CHRM3: variants seen among roughly 807,000 people sequenced by gnomAD.
CHRM3 encodes cholinergic receptor muscarinic 3.
In CHRM3, 11 loss-of-function variants were observed where a neutral mutation model predicts 41.8. The ratio of observed to expected loss-of-function variants is 0.26; its 90% confidence interval spans 0.17 to 0.44. The LOEUF (loss-of-function observed/expected upper bound fraction) is 0.44, where lower values mean the gene tolerates loss of function less well. Among genes scored for constraint, CHRM3 ranks in the 20% least tolerant of loss-of-function variants. The pLI is 1.00. For synonymous variants in CHRM3, 297 were observed against 301.4 expected (o/e 0.99, Z 0.15); for missense variants, 571 against 745.4 (o/e 0.77, Z 2.72).
chr1:239,714,952 T>A (rs1050039858), intron 5 of CHRM3, among the ~76,000 whole-genome samples: 1 of 151,858 alleles, frequency 6.6e-6, no homozygotes, highest in Non-Finnish European at 1.5e-5. Flanking sequence ...AAGAGTACTG[T>A]GGAAAAACTT....
intron 3 of CHRM3, among the ~76,000 whole-genome samples, chr1:239,589,835 T>C (rs1362151485): frequency 6.6e-6 from 1 of 151,526 alleles, no homozygotes; most frequent in Non-Finnish European, 1.5e-5. Context: ...TATATACACA[T>C]ATGTCTGACT....
intron 1 of CHRM3, among the ~76,000 whole-genome samples, chr1:239,424,447 A>T (rs2103120483): frequency 6.6e-6 from 1 of 152,330 alleles, no homozygotes; most frequent in East Asian, 1.9e-4. Flanking sequence ...AACCTTGTGG[A>T]AACTGAAATG....
At chr1:239,414,085 T>C (rs1661316935) in intron 1 of CHRM3, among the ~76,000 whole-genome samples, 1 of 152,182 alleles carries the variant, frequency 6.6e-6, no homozygotes, top group Non-Finnish European at 1.5e-5. Flanking sequence ...TTATGAGCAA[T>C]TTCTGTATTG....
intron 3 of CHRM3, among the ~76,000 whole-genome samples, chr1:239,549,322 T>C (rs1334373595): frequency 6.6e-6 from 1 of 151,880 alleles, no homozygotes; most frequent in Non-Finnish European, 1.5e-5. Flanking sequence ...ATTTGTGATG[T>C]TTACCTTAAC....
chr1:239,401,945 C>T (rs1660014056), intron 1 of CHRM3, among the ~76,000 whole-genome samples: 1 of 152,128 alleles, frequency 6.6e-6, no homozygotes, highest in Non-Finnish European at 1.5e-5. Context: ...ATGTAGACTC[C>T]TGCTAAGTCA....
At chr1:239,398,237 T>C (rs768698855) in intron 1 of CHRM3, among the ~76,000 whole-genome samples, 1 of 152,094 alleles carries the variant, frequency 6.6e-6, no homozygotes, top group Admixed American at 6.6e-5. Flanking sequence ...ATATAAATAA[T>C]GTATTTTTTT....
At chr1:239,801,989 G>A (rs146359189) in intron 5 of CHRM3, among the ~76,000 whole-genome samples, 7 of 152,298 alleles carry the variant, frequency 4.6e-5, no homozygotes, top group African/African-American at 1.2e-4. Context: ...CAGGATTAGC[G>A]ACAGTCCCAG....
intron 2 of CHRM3, among the ~76,000 whole-genome samples, chr1:239,532,594 T>C (rs1415429133): frequency 1.4e-5 from 2 of 146,612 alleles, no homozygotes; most frequent in Admixed American, 1.4e-4. Context: ...CACTGCACTC[T>C]GCCTGGTGAC....
At chr1:239,738,432 C>A (rs1315310906) in intron 5 of CHRM3, among the ~76,000 whole-genome samples, 2 of 152,144 alleles carry the variant, frequency 1.3e-5, no homozygotes, top group Admixed American at 6.5e-5. Context: ...GTGGTTCCAG[C>A]CAGCCAAATG....
At chr1:239,623,663 C>A (rs1263237942) in intron 3 of CHRM3, among the ~76,000 whole-genome samples, 1 of 70,822 alleles carries the variant, frequency 1.4e-5, no homozygotes, top group African/African-American at 5.8e-5. Flanking sequence ...CCGACCCCAC[C>A]ACAGTCCCCA....
chr1:239,529,374 G>A (rs1005869061), intron 2 of CHRM3, among the ~76,000 whole-genome samples: 1 of 152,094 alleles, frequency 6.6e-6, no homozygotes, highest in Admixed American at 6.5e-5. Context: ...ACTTTGGGAG[G>A]CTGAGGCAAG....
At chr1:239,796,842 C>T (rs146869428) in intron 5 of CHRM3, among the ~76,000 whole-genome samples, 1 of 152,056 alleles carries the variant, frequency 6.6e-6, no homozygotes, top group East Asian at 1.9e-4. Context: ...TTCCTCACCC[C>T]CCTCCCACTC....
At chr1:239,593,236 G>A (rs1664388688) in intron 3 of CHRM3, among the ~76,000 whole-genome samples, 1 of 152,112 alleles carries the variant, frequency 6.6e-6, no homozygotes, top group Admixed American at 6.5e-5. Context: ...AATATACCAT[G>A]ATTGACCTTA....
chr1:239,617,225 C>G (rs1396310153), intron 3 of CHRM3, among the ~76,000 whole-genome samples: 1 of 152,128 alleles, frequency 6.6e-6, no homozygotes, highest in Non-Finnish European at 1.5e-5. Flanking sequence ...AGTATTTAAC[C>G]CAGAACTTTC....
intron 4 of CHRM3, among the ~76,000 whole-genome samples, chr1:239,669,551 G>T (rs530516600): frequency 6.6e-6 from 1 of 152,070 alleles, no homozygotes; most frequent in African/African-American, 2.4e-5. Flanking sequence ...AATTTTTCAG[G>T]TCTTGACCTA....
rs146925766 is a variant in CHRM3 at position 239,430,812 on chromosome 1, G to T, written c.-521+43585G>T. Among the ~76,000 whole-genome samples, 1,211 of 151,190 alleles carry T rather than the reference G, an allele frequency of 8.0e-3. 13 individuals are homozygous for T. The highest frequency in any genetic ancestry group is 0.028 in the African/African-American group (1,160 of 41,200). On this transcript the variant is annotated intron_variant, in intron 1 of 6. Transcript: ENST00000676153. ...TTTTTTGGCATTTCTTTTTGCTTTG[G>T]AATGTTGCCTGGTACATTGATTTTT...
chr1:239,895,346 C>A (rs13375839), intron 6 of CHRM3, among the ~76,000 whole-genome samples: 3,596 of 152,298 alleles, frequency 0.024, 103 homozygotes, highest in African/African-American at 0.067. Context: ...CCAGCTGCCT[C>A]TGCAGTCTCC....
intron 1 of CHRM3, among the ~76,000 whole-genome samples, chr1:239,457,546 G>A (rs1450042650): frequency 2.6e-5 from 4 of 152,146 alleles, no homozygotes; most frequent in Non-Finnish European, 5.9e-5. Flanking sequence ...TTCTTGTCTA[G>A]TGCTTTGGAT....
At chr1:239,451,097 A>G (rs1664524691) in intron 1 of CHRM3, among the ~76,000 whole-genome samples, 1 of 152,092 alleles carries the variant, frequency 6.6e-6, no homozygotes, top group Non-Finnish European at 1.5e-5. Context: ...GGTGGCATGC[A>G]TCTGTAGTCC....
Sources: gnomAD v4.1 joint callset for allele counts (sites outside exome capture counted in the v4.1 genomes callset) on GRCh38, gnomAD v4.1.1 for gene constraint, MANE v1.5 for transcripts, NCBI Gene and HGNC (gene_info 2026-07-23, HGNC 2026-07-21) for gene names.